The following NPSR1 variants were observed in gnomAD, a reference collection of about 807,000 sequenced individuals.
NPSR1 encodes neuropeptide S receptor.
NPSR1 carries 48 observed loss-of-function variants against 46.9 expected under a neutral mutation model. That is an observed-to-expected ratio of 1.02 (90% CI 0.81 to 1.30). The LOEUF is 1.30. NPSR1 is among the 50% of genes most tolerant of loss of function. NPSR1 has a pLI of 0.00. For missense variants in NPSR1, 450 were observed against 449.5 expected (o/e 1.00, Z -0.01); for synonymous variants, 176 against 168.1 (o/e 1.05, Z -0.36).
intron 3 of NPSR1, among the ~76,000 whole-genome samples, chr7:34,797,329 T>C (rs1036749031): frequency 1.3e-5 from 2 of 152,164 alleles, no homozygotes; most frequent in Non-Finnish European, 2.9e-5. Context: ...CTATGAACTT[T>C]GGGTGATAAT....
chr7:34,803,676 C>A (rs1788542242), intron 3 of NPSR1, among the ~76,000 whole-genome samples: 1 of 150,804 alleles, frequency 6.6e-6, no homozygotes, highest in Non-Finnish European at 1.5e-5. Context: ...ATGTAACTAA[C>A]CTGCACATTG....
intron 2 of NPSR1, among the ~76,000 whole-genome samples, chr7:34,742,707 T>C (rs775208790): frequency 9.9e-5 from 15 of 152,198 alleles, no homozygotes; most frequent in Non-Finnish European, 1.6e-4. Flanking sequence ...CTGGGTCAAA[T>C]GGTAGCCCTG....
intron 2 of NPSR1, among the ~76,000 whole-genome samples, chr7:34,765,480 T>C (rs1786385662): frequency 6.6e-6 from 1 of 152,192 alleles, no homozygotes; most frequent in South Asian, 2.1e-4. Flanking sequence ...TTGATGGAAA[T>C]GTAAATTAGT....
At chr7:34,682,547 C>T (rs1792698520) in intron 1 of NPSR1, among the ~76,000 whole-genome samples, 1 of 152,148 alleles carries the variant, frequency 6.6e-6, no homozygotes, top group South Asian at 2.1e-4. Context: ...GCAAGTTGTT[C>T]CAGTGTTTTT....
intron 2 of NPSR1, among the ~76,000 whole-genome samples, chr7:34,747,811 A>G (rs745703671): frequency 5.3e-5 from 8 of 152,208 alleles, no homozygotes; most frequent in Non-Finnish European, 1.0e-4. Context: ...AACACGACAA[A>G]TCTTATTTTT....
chr7:34,775,311 G>A (rs540463619), intron 2 of NPSR1, among the ~76,000 whole-genome samples: 15 of 152,266 alleles, frequency 9.9e-5, no homozygotes, highest in African/African-American at 3.1e-4. Flanking sequence ...TTTTTTGGAT[G>A]TGTCTTTGTC....
chr7:34,697,787 A>T (rs999537183), intron 2 of NPSR1, among the ~76,000 whole-genome samples: 10 of 141,240 alleles, frequency 7.1e-5, no homozygotes, highest in African/African-American at 2.3e-4. Context: ...ATATAAAATC[A>T]ATCTAAGTTA....
intron 3 of NPSR1, among the ~76,000 whole-genome samples, chr7:34,795,227 CA>C (rs1299480381): frequency 6.6e-6 from 1 of 151,736 alleles, no homozygotes; most frequent in Non-Finnish European, 1.5e-5. Flanking sequence ...ATTATGATTT[CA>C]AAAAAAATTC....
intron 2 of NPSR1, among the ~76,000 whole-genome samples, chr7:34,765,431 A>G (rs1417790041): frequency 1.3e-5 from 2 of 152,254 alleles, no homozygotes; most frequent in African/African-American, 4.8e-5. Context: ...ATGGATGGCA[A>G]AGAAGCACCT....
chr7:34,857,057 G>A (rs1460466199), intron 8 of NPSR1, among the ~76,000 whole-genome samples: 2 of 151,628 alleles, frequency 1.3e-5, no homozygotes, highest in African/African-American at 2.4e-5. Flanking sequence ...AATGAAATTC[G>A]TAGGAGTAAA....
intron 2 of NPSR1, among the ~76,000 whole-genome samples, chr7:34,771,144 T>A (rs1786663394): frequency 6.6e-6 from 1 of 152,144 alleles, no homozygotes; most frequent in Admixed American, 6.6e-5. Flanking sequence ...ACAGTGAAGA[T>A]GCAGAAAGGG....
chr7:34,845,521 G>A (rs185351642), intron 7 of NPSR1: 12 of 454,190 alleles, frequency 2.6e-5, no homozygotes, highest in South Asian at 1.1e-4. Flanking sequence ...TCTGCTCTCC[G>A]GTGGTGCCCC....
intron 2 of NPSR1, among the ~76,000 whole-genome samples, chr7:34,720,331 G>A (rs1294453579): frequency 6.6e-6 from 1 of 151,640 alleles, no homozygotes; most frequent in African/African-American, 2.4e-5. Flanking sequence ...GGAGCCCTGT[G>A]TGTCAGGATC....
intron 2 of NPSR1, among the ~76,000 whole-genome samples, chr7:34,726,471 T>C (rs324379): frequency 0.55 from 83,474 of 151,984 alleles, 23,328 homozygotes; most frequent in African/African-American, 0.63. Flanking sequence ...CAAAATTAAA[T>C]ATACTCTTAC....
intron 1 of NPSR1, among the ~76,000 whole-genome samples, chr7:34,659,423 G>T (rs1791344494): frequency 1.3e-5 from 2 of 152,172 alleles, no homozygotes; most frequent in Non-Finnish European, 2.9e-5. Flanking sequence ...TTGTTGCTTT[G>T]TTGGGTTTTG....
chr7:34,813,310 C>T (rs1789084177), intron 4 of NPSR1, among the ~76,000 whole-genome samples: 3 of 152,278 alleles, frequency 2.0e-5, no homozygotes, highest in Middle Eastern at 3.4e-3. Flanking sequence ...TTCATAATAT[C>T]TCTGTGAGGT....
intron 2 of NPSR1, among the ~76,000 whole-genome samples, chr7:34,696,143 G>C (rs1793517478): frequency 7.0e-6 from 1 of 142,576 alleles, no homozygotes; most frequent in Non-Finnish European, 1.5e-5. Flanking sequence ...CTATAAAAAA[G>C]AATGAAATCA....
At chr7:34,702,269 T>C (rs967869851) in intron 2 of NPSR1, among the ~76,000 whole-genome samples, 11 of 152,212 alleles carry the variant, frequency 7.2e-5, no homozygotes, top group Admixed American at 3.9e-4. Flanking sequence ...TTAATTGGCA[T>C]TGCCAGAATT....
intron 1 of NPSR1, among the ~76,000 whole-genome samples, chr7:34,678,825 CAAAAAAAAGAAAAAAGAA>C (rs1792467634): frequency 7.2e-6 from 1 of 139,826 alleles, no homozygotes; most frequent in Non-Finnish European, 1.5e-5. Flanking sequence ...GACTCTGTCT[CAAAAAAAAGAAAAAAGAA>C]AAAAAAAAGA....
Sources: allele counts gnomAD v4.1 joint callset (sites outside exome capture counted in the v4.1 genomes callset), GRCh38; gene constraint gnomAD v4.1.1; transcripts MANE v1.5; gene names NCBI Gene and HGNC (gene_info 2026-07-23, HGNC 2026-07-21).